Variants in PTPRG observed in about 807,000 individuals in gnomAD.
The protein encoded by PTPRG is receptor-type tyrosine-protein phosphatase gamma.
PTPRG carries 102 observed loss-of-function variants against 165.3 expected under a neutral mutation model. That is an observed-to-expected ratio of 0.62 (90% CI 0.53 to 0.73). The LOEUF is 0.73. PTPRG is among the 30% of genes least tolerant of loss of function. The pLI is 0.00. For synonymous variants in PTPRG, 675 were observed against 669.5 expected, an observed-to-expected ratio of 1.01 and a Z score of -0.13; for missense variants, 1,866 against 1,861.4, an observed-to-expected ratio of 1.00 and a Z score of -0.05.
chr3:61,762,366 C>T (rs1160329276), intron 2 of PTPRG, among the ~76,000 whole-genome samples: 1 of 152,146 alleles, frequency 6.6e-6, no homozygotes, highest in Non-Finnish European at 1.5e-5. Flanking sequence ...GGCTCATGCA[C>T]TTTGGGAGGC....
intron 19 of PTPRG, 111 bp downstream of exon 19, chr3:62,267,930 G>T (rs1240425092): frequency 6.4e-6 from 8 of 1,258,650 alleles, no homozygotes; most frequent in Non-Finnish European, 7.7e-6. Flanking sequence ...TTACGGAAAT[G>T]AAAAGTGTTC....
At position 61,978,019 on chromosome 3, in the gene PTPRG, T is replaced by G. The variant is rs187231727; in HGVS notation, c.191-11606T>G. Among the ~76,000 whole-genome samples, 762 of 152,316 alleles carry G rather than the reference T, an allele frequency of 5.0e-3. 6 individuals carry two copies. The highest frequency in any genetic ancestry group is 0.017 in the African/African-American group (715 of 41,564). ...GGCACCTGCCACCACACTCAACTAATTTTTGTATTTTTAGTAGAGACGGGG... is the reference window on the plus strand; with the variant it reads ...GGCACCTGCCACCACACTCAACTAAGTTTTGTATTTTTAGTAGAGACGGGG... On this transcript the variant is annotated intron_variant, in intron 2 of 29. Transcript: ENST00000474889.
Position 62,034,294 on chromosome 3 carries a change from T to A in PTPRG, c.519+30797T>A, listed in dbSNP as rs189595806. On this transcript the variant is annotated intron_variant, in intron 4 of 29. Coordinates refer to ENST00000474889, the MANE Select transcript of PTPRG (RefSeq NM_002841.4). ...AGCAAACCCTAGCAGTTCAAACTCA[T>A]GTTATTAAAGGGTCAACTGTATTTT... is the stretch of plus-strand genomic sequence containing the variant. 1.1e-3 allele frequency among the ~76,000 whole-genome samples: 172 copies of A among 152,378 alleles called. 1 individual carries two copies. The highest frequency in any genetic ancestry group is 3.9e-3 in the African/African-American group (162 of 41,592).
intron 3 of PTPRG, among the ~76,000 whole-genome samples, chr3:61,990,006 A>T (rs1158062895): frequency 6.6e-6 from 1 of 152,114 alleles, no homozygotes; most frequent in Admixed American, 6.6e-5. Flanking sequence ...TTTTTTTAAA[A>T]ATATAAACTA....
At chr3:62,011,747 G>T (rs921539752) in intron 4 of PTPRG, among the ~76,000 whole-genome samples, 1 of 152,174 alleles carries the variant, frequency 6.6e-6, no homozygotes, top group African/African-American at 2.4e-5. Context: ...ATGCCTGGTT[G>T]TGCAAAGCAA....
At chr3:61,598,561 G>C (rs1700762073) in intron 1 of PTPRG, among the ~76,000 whole-genome samples, 1 of 152,206 alleles carries the variant, frequency 6.6e-6, no homozygotes, top group Admixed American at 6.5e-5. Context: ...ACTCCGCTTA[G>C]AGTCGGGGAC....
chr3:61,697,346 G>A (rs2030662275), intron 1 of PTPRG, among the ~76,000 whole-genome samples: 1 of 152,180 alleles, frequency 6.6e-6, no homozygotes, highest in Non-Finnish European at 1.5e-5. Flanking sequence ...TGCCCCAGAA[G>A]CAAGGATTTG....
At chr3:61,860,985 G>T (rs367747362) in intron 2 of PTPRG, among the ~76,000 whole-genome samples, 35 of 151,798 alleles carry the variant, frequency 2.3e-4, no homozygotes, top group African/African-American at 7.0e-4. Flanking sequence ...TCCCCAACCC[G>T]GGCAACCACT....
intron 17 of PTPRG, among the ~76,000 whole-genome samples, chr3:62,265,369 T>C (rs1383053885): frequency 1.3e-5 from 2 of 152,212 alleles, no homozygotes; most frequent in African/African-American, 4.8e-5. Context: ...AAGTATTTTA[T>C]TCCATTTGAT....
intron 2 of PTPRG, among the ~76,000 whole-genome samples, chr3:61,860,375 C>G (rs947889696): frequency 4.7e-5 from 7 of 149,122 alleles, no homozygotes; most frequent in African/African-American, 1.7e-4. Context: ...AAAAAAAATA[C>G]ATGACTTTTC....
intron 4 of PTPRG, among the ~76,000 whole-genome samples, chr3:62,063,404 A>G (rs538459032): frequency 1.3e-5 from 2 of 152,332 alleles, no homozygotes; most frequent in South Asian, 4.1e-4. Context: ...CCAATATATC[A>G]GGAAGACGTG....
At chr3:61,846,602 G>A (rs1252640002) in intron 2 of PTPRG, among the ~76,000 whole-genome samples, 3 of 152,156 alleles carry the variant, frequency 2.0e-5, no homozygotes, top group Non-Finnish European at 4.4e-5. Flanking sequence ...CAAGCTCTTG[G>A]TAAAAGCACA....
Position 62,007,088 on chromosome 3 carries a change from A to T in PTPRG, c.519+3591A>T, listed in dbSNP as rs149023417. Among the ~76,000 whole-genome samples the T allele has an allele frequency of 4.8e-3, 732 of 152,224 alleles. 5 individuals are homozygous for T. Among genetic ancestry groups the T allele is most frequent in the African/African-American group, 0.016 (669 of 41,514 alleles). On this transcript the variant is annotated intron_variant, in intron 4 of 29. Coordinates refer to ENST00000474889, the MANE Select transcript of PTPRG (RefSeq NM_002841.4). ...AGTATCTACTTGAGATGCAGTCACG[A>T]CCTTGGGAATTTTAACAGCTCCCTC...
At chr3:61,883,647 T>C (rs1055422315) in intron 2 of PTPRG, among the ~76,000 whole-genome samples, 1 of 152,094 alleles carries the variant, frequency 6.6e-6, no homozygotes, top group African/African-American at 2.4e-5. Context: ...AAAATACATA[T>C]CATGAAGTTT....
rs150063303 is a variant in PTPRG at position 61,903,680 on chromosome 3, G to A, written c.191-85945G>A. 5.2e-4 allele frequency among the ~76,000 whole-genome samples: 79 copies of A among 152,258 alleles called. 1 individual carries two copies. In the East Asian group the frequency reaches 7.0e-3, roughly 13 times the overall value. ...TGAGCCACCGTGCCCGGGCCTGGCT[G>A]TTATTGGCTTCTTAAGGAAGCCCAC... On this transcript the variant is annotated intron_variant, in intron 2 of 29. Coordinates refer to ENST00000474889, the MANE Select transcript of PTPRG (RefSeq NM_002841.4).
chr3:61,942,567 AC>A (rs2039657153), intron 2 of PTPRG, among the ~76,000 whole-genome samples: 1 of 152,138 alleles, frequency 6.6e-6, no homozygotes, highest in South Asian at 2.1e-4. Context: ...AATTCTCCTA[AC>A]CGTTATTTGA....
intron 2 of PTPRG, among the ~76,000 whole-genome samples, chr3:61,806,021 A>G (rs1489882962): frequency 1.3e-5 from 2 of 152,150 alleles, no homozygotes; most frequent in Non-Finnish European, 2.9e-5. Context: ...ATTTTAGTAT[A>G]TGGTGACCTA....
At chr3:61,792,674 TTCTTTCTTTC>T (rs1410650250) in intron 2 of PTPRG, among the ~76,000 whole-genome samples, 4 of 212 alleles carry the variant, frequency 0.019, no homozygotes, top group African/African-American at 0.042. Context: ...TGGGTTTTCT[TTCTTTCTTTC>T]TTTCTTTCTT....
At chr3:62,256,690 CATTT>C (rs958034138) in intron 16 of PTPRG, among the ~76,000 whole-genome samples, 3 of 152,158 alleles carry the variant, frequency 2.0e-5, no homozygotes, top group Non-Finnish European at 2.9e-5. Context: ...TCAGGACAAA[CATTT>C]ATCCTCTAGA....
Sources: allele counts gnomAD v4.1 joint callset (sites outside exome capture counted in the v4.1 genomes callset), GRCh38; gene constraint gnomAD v4.1.1; transcripts MANE v1.5; gene names NCBI Gene and HGNC (gene_info 2026-07-23, HGNC 2026-07-21).